NLK: variants seen among roughly 807,000 people sequenced by gnomAD.
The protein encoded by NLK is serine/threonine-protein kinase NLK.
In NLK, 11 loss-of-function variants were observed where a neutral mutation model predicts 59.0. The ratio of observed to expected loss-of-function variants is 0.19; its 90% confidence interval spans 0.12 to 0.31. NLK has a LOEUF of 0.31. NLK is among the 10% of genes least tolerant of loss of function. The probability of loss-of-function intolerance (pLI) is 1.00; values close to 1 mark genes in which losing one functional copy is unlikely to be tolerated. For missense variants in NLK, 410 were observed against 661.1 expected, an observed-to-expected ratio of 0.62 and a Z score of 4.16; for synonymous variants, 235 against 235.9, an observed-to-expected ratio of 1.00 and a Z score of 0.03.
chr17:28,193,741 G>GA (rs1567743706), intron 10 of NLK, among the ~76,000 whole-genome samples: 1 of 152,148 alleles, frequency 6.6e-6, no homozygotes, highest in Non-Finnish European at 1.5e-5. Context: ...CCACAGTCAA[G>GA]ATTTTATGCT....
intron 1 of NLK, among the ~76,000 whole-genome samples, chr17:28,054,270 C>A (rs139449964): frequency 1.1e-4 from 17 of 152,310 alleles, no homozygotes; most frequent in African/African-American, 4.1e-4. Flanking sequence ...TTCCCAGGTT[C>A]TGCAGGTTAC....
intron 3 of NLK, among the ~76,000 whole-genome samples, chr17:28,148,404 T>G (rs2142036237): frequency 6.6e-6 from 1 of 152,284 alleles, no homozygotes; most frequent in African/African-American, 2.4e-5. Context: ...GATTCATAAG[T>G]GCAGGGAAAA....
chr17:28,168,936 A>G (rs1411271072), intron 6 of NLK, among the ~76,000 whole-genome samples: 1 of 151,970 alleles, frequency 6.6e-6, no homozygotes, highest in Admixed American at 6.6e-5. Context: ...CCCAGGCTGG[A>G]GTGCAATGGT....
At chr17:28,127,940 T>C (rs1906357230) in intron 2 of NLK, among the ~76,000 whole-genome samples, 1 of 152,096 alleles carries the variant, frequency 6.6e-6, no homozygotes, top group African/African-American at 2.4e-5. Context: ...TGGAACAGAA[T>C]AGAAAGTTTG....
intron 1 of NLK, among the ~76,000 whole-genome samples, chr17:28,120,183 T>C (rs1905965222): frequency 6.6e-6 from 1 of 152,044 alleles, no homozygotes. Flanking sequence ...CAATGTCCCC[T>C]CCTATTTTCT....
downstream of NLK, among the ~76,000 whole-genome samples, chr17:28,199,491 AC>A (rs1385072184): frequency 2.0e-5 from 3 of 151,676 alleles, no homozygotes; most frequent in Non-Finnish European, 4.4e-5. Context: ...AATGGTGAAA[AC>A]CCGTCTCTAC....
At chr17:28,096,709 G>T (rs1462932900) in intron 1 of NLK, among the ~76,000 whole-genome samples, 1 of 152,082 alleles carries the variant, frequency 6.6e-6, no homozygotes, top group African/African-American at 2.4e-5. Context: ...TTTCCAAACA[G>T]CAGAGAGAAC....
chr17:28,156,451 CT>C (rs1183517195), intron 3 of NLK, among the ~76,000 whole-genome samples: 3 of 152,110 alleles, frequency 2.0e-5, no homozygotes, highest in Non-Finnish European at 4.4e-5. Context: ...TCAAGAGTCA[CT>C]TTTTGAATAA....
chr17:28,080,076 C>T (rs763846317), intron 1 of NLK, among the ~76,000 whole-genome samples: 7 of 152,024 alleles, frequency 4.6e-5, no homozygotes, highest in Admixed American at 2.0e-4. Context: ...TGCAGGTCAG[C>T]GACTTCAGAT....
chr17:28,100,947 G>A (rs1242750440), intron 1 of NLK, among the ~76,000 whole-genome samples: 1 of 152,088 alleles, frequency 6.6e-6, no homozygotes, highest in African/African-American at 2.4e-5. Context: ...TCTGGCCAAC[G>A]TTGAAGTTGT....
chr17:28,153,800 A>C (rs148862050), intron 3 of NLK, among the ~76,000 whole-genome samples: 50 of 152,318 alleles, frequency 3.3e-4, no homozygotes, highest in African/African-American at 1.2e-3. Context: ...TGCAAGTAGC[A>C]ATTTTTTATG....
intron 2 of NLK, among the ~76,000 whole-genome samples, chr17:28,125,520 A>G (rs1906256470): frequency 6.6e-6 from 1 of 152,226 alleles, no homozygotes; most frequent in Non-Finnish European, 1.5e-5. Flanking sequence ...ATTTGAAACT[A>G]CTGAGCTCTA....
intron 2 of NLK, among the ~76,000 whole-genome samples, chr17:28,131,900 T>C (rs1906535412): frequency 6.6e-6 from 1 of 152,174 alleles, no homozygotes. Context: ...AGACTTTGTG[T>C]AGTGTATTTC....
chr17:28,123,694 T>C (rs939936827), intron 2 of NLK, among the ~76,000 whole-genome samples: 1 of 152,176 alleles, frequency 6.6e-6, no homozygotes, highest in African/African-American at 2.4e-5. Flanking sequence ...TAAGGTAACA[T>C]AGGCTACCTT....
At chr17:28,176,454 T>C (rs965657373) in intron 7 of NLK, among the ~76,000 whole-genome samples, 1 of 152,228 alleles carries the variant, frequency 6.6e-6, no homozygotes, top group Non-Finnish European at 1.5e-5. Flanking sequence ...ACTTCTTATA[T>C]ACTAGCTCAT....
chr17:28,075,268 G>A (rs576723873), intron 1 of NLK, among the ~76,000 whole-genome samples: 6 of 152,292 alleles, frequency 3.9e-5, no homozygotes, highest in East Asian at 3.9e-4. Context: ...AAGGTGATTC[G>A]TGTGAAACTA....
At position 28,122,065 on chromosome 17, in the gene NLK, G is replaced by A. The variant is rs115081827; in HGVS notation, c.459-538G>A. Among the ~76,000 whole-genome samples the A allele has an allele frequency of 2.5e-3, 384 of 152,258 alleles. 5 individuals carry two copies. Among genetic ancestry groups the A allele is most frequent in the African/African-American group, 8.6e-3 (356 of 41,540 alleles). On this transcript the variant is annotated intron_variant, in intron 1 of 10. Transcript: ENST00000407008. ...GGGAGCTACAGGGATCCCTAAGCTG[G>A]CACCCAGACTTCTAAGGAGGGGACA...
intron 1 of NLK, among the ~76,000 whole-genome samples, chr17:28,057,246 C>T (rs780442408): frequency 2.6e-5 from 4 of 152,148 alleles, no homozygotes; most frequent in Admixed American, 6.5e-5. Flanking sequence ...TGAGCCACCA[C>T]GCCCAACTGC....
intron 1 of NLK, among the ~76,000 whole-genome samples, chr17:28,120,979 T>C (rs1906021673): frequency 6.6e-6 from 1 of 152,262 alleles, no homozygotes; most frequent in Admixed American, 6.5e-5. Flanking sequence ...GTCTCGTTGA[T>C]GATTTCTAGT....
Sources: gnomAD v4.1 joint callset for allele counts (sites outside exome capture counted in the v4.1 genomes callset) on GRCh38, gnomAD v4.1.1 for gene constraint, MANE v1.5 for transcripts, NCBI Gene and HGNC (gene_info 2026-07-23, HGNC 2026-07-21) for gene names.